Variants in LINGO2 observed in about 807,000 individuals in gnomAD.
The protein encoded by LINGO2 is leucine rich repeat and Ig domain containing 2, also known as leucine-rich repeat and immunoglobulin-like domain-containing nogo receptor-interacting protein 2.
Under a neutral mutation model 30.6 loss-of-function variants are expected in LINGO2, and 14 were observed. The ratio of observed to expected loss-of-function variants is 0.46; its 90% CI spans 0.30 to 0.72. The LOEUF (loss-of-function observed/expected upper bound fraction) is 0.72. Among genes scored for constraint, LINGO2 ranks in the 30% least tolerant of loss-of-function variants. LINGO2 has a pLI of 0.07. For synonymous variants in LINGO2, 317 were observed against 288.5 expected, an observed-to-expected ratio of 1.10 and a Z score of -1.00; for missense variants, 729 against 751.7, an observed-to-expected ratio of 0.97 and a Z score of 0.35.
At chr9:28,161,574 G>T (rs1290290483) in intron 4 of LINGO2, among the ~76,000 whole-genome samples, 1 of 152,102 alleles carries the variant, frequency 6.6e-6, no homozygotes, top group Admixed American at 6.5e-5. Context: ...AACTGAGTGA[G>T]CCTCTTAAGG....
intron 1 of LINGO2, among the ~76,000 whole-genome samples, chr9:28,510,578 T>C (rs1224365016): frequency 6.6e-6 from 1 of 151,754 alleles, no homozygotes; most frequent in Non-Finnish European, 1.5e-5. Context: ...AGGTGGAAGA[T>C]GAAGGAGAAC....
At chr9:28,822,573 A>G in the LINGO2 span, among the ~76,000 whole-genome samples, 1 of 124,878 alleles carries the variant, frequency 8.0e-6, no homozygotes, top group East Asian at 2.3e-4. Flanking sequence ...AGCTGCCAGC[A>G]TGGCTAGAAT....
At chr9:28,454,186 T>C (rs758233477) in intron 2 of LINGO2, among the ~76,000 whole-genome samples, 22 of 152,080 alleles carry the variant, frequency 1.4e-4, no homozygotes, top group Non-Finnish European at 2.6e-4. Context: ...TTCACTTTAT[T>C]AACTCTCAGA....
the LINGO2 span, among the ~76,000 whole-genome samples, chr9:29,091,165 C>T: frequency 3.3e-5 from 5 of 151,966 alleles, no homozygotes; most frequent in African/African-American, 1.2e-4. Flanking sequence ...CCAAATCTGA[C>T]ATCTCTTGGG....
At chr9:28,027,226 G>A (rs913010504) in intron 4 of LINGO2, among the ~76,000 whole-genome samples, 5 of 152,186 alleles carry the variant, frequency 3.3e-5, no homozygotes, top group East Asian at 1.9e-4. Flanking sequence ...TACACATATC[G>A]ATGTATTTAT....
At chr9:28,465,670 G>C (rs1397402012) in intron 2 of LINGO2, among the ~76,000 whole-genome samples, 1 of 152,124 alleles carries the variant, frequency 6.6e-6, no homozygotes, top group Admixed American at 6.5e-5. Context: ...AAATTGAAGA[G>C]ACGATCCACA....
intron 3 of LINGO2, among the ~76,000 whole-genome samples, chr9:28,357,325 C>CG (rs1554710553): frequency 2.1e-5 from 3 of 146,050 alleles, no homozygotes; most frequent in Admixed American, 1.4e-4. Flanking sequence ...GCCCACCCCC[C>CG]CCAAAAAAGA....
the LINGO2 span, among the ~76,000 whole-genome samples, chr9:29,193,396 G>A: frequency 6.6e-6 from 1 of 152,106 alleles, no homozygotes; most frequent in Admixed American, 6.5e-5. Context: ...TTGTGAACCT[G>A]AATATATCAT....
At chr9:28,059,527 T>C (rs1022845380) in intron 4 of LINGO2, among the ~76,000 whole-genome samples, 2 of 152,098 alleles carry the variant, frequency 1.3e-5, no homozygotes, top group Non-Finnish European at 2.9e-5. Context: ...ACTCAGGGAA[T>C]GCTATGTAAC....
chr9:28,814,039 G>C, the LINGO2 span, among the ~76,000 whole-genome samples: 1 of 152,168 alleles, frequency 6.6e-6, no homozygotes, highest in Non-Finnish European at 1.5e-5. Flanking sequence ...AACAAGCCTA[G>C]AATTTTTATA....
intron 4 of LINGO2, among the ~76,000 whole-genome samples, chr9:28,272,547 T>C (rs1025892373): frequency 7.2e-5 from 11 of 152,074 alleles, no homozygotes; most frequent in Admixed American, 7.2e-4. Context: ...TGAAATTACT[T>C]TGTTAACTCA....
intron 1 of LINGO2, among the ~76,000 whole-genome samples, chr9:28,477,033 G>C (rs781616654): frequency 1.3e-5 from 2 of 152,120 alleles, no homozygotes; most frequent in African/African-American, 2.4e-5. Context: ...ACCACAGAAA[G>C]AGAGAAAGAT....
chr9:29,193,146 C>G, the LINGO2 span, among the ~76,000 whole-genome samples: 3 of 152,204 alleles, frequency 2.0e-5, no homozygotes, highest in South Asian at 2.1e-4. Context: ...TCCTTGCCCT[C>G]ATTATTTACA....
intron 3 of LINGO2, among the ~76,000 whole-genome samples, chr9:28,344,344 G>A (rs1366719829): frequency 6.6e-6 from 1 of 152,104 alleles, no homozygotes; most frequent in Admixed American, 6.6e-5. Context: ...GGGATTTAAA[G>A]AAGCAGGAGA....
chr9:28,379,379 A>T (rs1263302325), intron 2 of LINGO2, among the ~76,000 whole-genome samples: 2 of 152,056 alleles, frequency 1.3e-5, no homozygotes, highest in Non-Finnish European at 2.9e-5. Flanking sequence ...TTTCTCTCTC[A>T]CTAGGAAAGT....
intron 1 of LINGO2, among the ~76,000 whole-genome samples, chr9:28,603,846 C>A (rs1273937273): frequency 6.6e-6 from 1 of 152,006 alleles, no homozygotes; most frequent in Non-Finnish European, 1.5e-5. Flanking sequence ...AGCAAAGCTG[C>A]AGAATTCTGC....
chr9:27,950,528 C>A, exon 6 of LINGO2: 2 of 1,573,640 alleles, frequency 1.3e-6, no homozygotes, highest in Non-Finnish European at 1.7e-6. Context: ...GGATGGCGAT[C>A]AATCGCCTTC....
At chr9:28,908,959 T>C in the LINGO2 span, among the ~76,000 whole-genome samples, 1 of 151,946 alleles carries the variant, frequency 6.6e-6, no homozygotes, top group Non-Finnish European at 1.5e-5. Flanking sequence ...TCTTCTGGTA[T>C]ATAGATATTT....
the LINGO2 span, among the ~76,000 whole-genome samples, chr9:28,863,091 G>A: frequency 1.3e-5 from 2 of 151,996 alleles, no homozygotes; most frequent in Admixed American, 6.6e-5. Context: ...CCATCAAAAT[G>A]TACAATTTGG....
Sources: allele counts gnomAD v4.1 joint callset (sites outside exome capture counted in the v4.1 genomes callset), GRCh38; gene constraint gnomAD v4.1.1; transcripts MANE v1.5; gene names NCBI Gene and HGNC (gene_info 2026-07-23, HGNC 2026-07-21).